Variants in KIAA0825 observed in about 807,000 individuals in gnomAD.
The protein encoded by KIAA0825 is uncharacterized protein KIAA0825.
In KIAA0825, 119 loss-of-function variants were observed where a neutral mutation model predicts 147.6. The observed-to-expected ratio is 0.81, with a 90% CI of 0.69 to 0.94. The LOEUF is 0.94. KIAA0825 is among the 40% of genes least tolerant of loss of function. KIAA0825 has a pLI of 0.00. For missense variants in KIAA0825, 1,381 were observed against 1,472.7 expected, an observed-to-expected ratio of 0.94 and a Z score of 1.02; for synonymous variants, 470 against 518.1, an observed-to-expected ratio of 0.91 and a Z score of 1.26.
chr5:94,529,200 G>GTA (rs1374107597), intron 3 of KIAA0825, among the ~76,000 whole-genome samples: 1 of 145,364 alleles, frequency 6.9e-6, no homozygotes, highest in Non-Finnish European at 1.5e-5. Context: ...ATATGAAGTA[G>GTA]TATATATATC....
At chr5:94,199,581 T>A (rs756438160) in intron 20 of KIAA0825, among the ~76,000 whole-genome samples, 3 of 151,200 alleles carry the variant, frequency 2.0e-5, no homozygotes, top group Non-Finnish European at 4.4e-5. Flanking sequence ...TGTACACCAG[T>A]GGGGAAGTTG....
chr5:94,323,556 CAAA>C (rs78678665), intron 20 of KIAA0825, among the ~76,000 whole-genome samples: 5 of 112,850 alleles, frequency 4.4e-5, no homozygotes, highest in African/African-American at 6.6e-5. Flanking sequence ...AGCTCCAGAC[CAAA>C]AAAAAAAAAA....
At chr5:94,475,337 A>G (rs967323184) in intron 7 of KIAA0825, among the ~76,000 whole-genome samples, 8 of 152,168 alleles carry the variant, frequency 5.3e-5, no homozygotes, top group African/African-American at 1.7e-4. Flanking sequence ...CTTCAAGCAA[A>G]TATGTCCTAG....
At chr5:94,311,254 G>T (rs549321695) in intron 20 of KIAA0825, among the ~76,000 whole-genome samples, 423 of 146,260 alleles carry the variant, frequency 2.9e-3, no homozygotes, top group East Asian at 8.1e-3. Context: ...TTTTTTTTTT[G>T]TTGTTGTTGT....
chr5:94,424,533 AG>A (rs1217882015), intron 14 of KIAA0825, among the ~76,000 whole-genome samples: 1 of 152,158 alleles, frequency 6.6e-6, no homozygotes, highest in African/African-American at 2.4e-5. Flanking sequence ...TTAAGATGGA[AG>A]TTTATAGCAA....
At chr5:94,372,124 T>C (rs988229364) in intron 20 of KIAA0825, among the ~76,000 whole-genome samples, 5 of 152,234 alleles carry the variant, frequency 3.3e-5, no homozygotes, top group Admixed American at 2.0e-4. Context: ...TGGGCTCCCA[T>C]GGCCTTGGGC....
At chr5:94,182,982 G>C (rs1243757963) in intron 20 of KIAA0825, among the ~76,000 whole-genome samples, 1 of 152,152 alleles carries the variant, frequency 6.6e-6, no homozygotes, top group African/African-American at 2.4e-5. Context: ...AGCCTGTTCT[G>C]TCCCAAGAGG....
intron 1 of KIAA0825, chr5:94,594,182 G>T (rs1000785586): frequency 3.5e-6 from 2 of 572,814 alleles, no homozygotes; most frequent in African/African-American, 3.8e-5. Context: ...TAGCTAGACT[G>T]GATTCTCAAC....
At chr5:94,464,469 A>G (rs529115431) in intron 11 of KIAA0825, among the ~76,000 whole-genome samples, 2 of 152,324 alleles carry the variant, frequency 1.3e-5, no homozygotes, top group East Asian at 3.9e-4. Context: ...ACAAAAAACA[A>G]CTCAAATCCC....
chr5:94,175,308 C>T lies in KIAA0825; in HGVS notation c.3711-21184G>A, dbSNP rs539570823. Among the ~76,000 whole-genome samples, 3 of 152,268 alleles carry T rather than the reference C, an allele frequency of 2.0e-5. No individual in the cohort carries two copies. In the East Asian group the frequency reaches 5.8e-4, roughly 29 times the overall value. On this transcript the variant is annotated intron_variant, in intron 20 of 20. Transcript: ENST00000682413. ...GATAACTGTCTGTGACCTGTTTCCC[C>T]TTTAACTGCTTATAGTCATTTTAAC...
chr5:94,384,262 T>C (rs1748838196), intron 20 of KIAA0825, 106 bp downstream of exon 20: 1 of 768,348 alleles, frequency 1.3e-6, no homozygotes, highest in Admixed American at 3.0e-5. Flanking sequence ...TGTTTTCACT[T>C]TTCCCAAAAG....
intron 20 of KIAA0825, among the ~76,000 whole-genome samples, chr5:94,363,621 T>G (rs531800060): frequency 5.9e-5 from 9 of 152,270 alleles, no homozygotes; most frequent in African/African-American, 2.2e-4. Context: ...TGTGGTAGCT[T>G]ACGCCTGTAA....
intron 20 of KIAA0825, among the ~76,000 whole-genome samples, chr5:94,164,475 G>A (rs1031297286): frequency 7.3e-5 from 11 of 151,430 alleles, no homozygotes; most frequent in African/African-American, 2.4e-4. Context: ...GCAGTGGAGC[G>A]ATCTTGGCTC....
At chr5:94,393,801 C>T (rs1584360348) in intron 17 of KIAA0825, among the ~76,000 whole-genome samples, 1 of 151,218 alleles carries the variant, frequency 6.6e-6, no homozygotes, top group Non-Finnish European at 1.5e-5. Flanking sequence ...TGGAAGTGCA[C>T]TTGTATAACA....
In KIAA0825 at chr5:94,153,958, A is replaced by G. The variant is rs1443076532; in HGVS notation, c.*49T>C. On this transcript the variant is annotated 3_prime_UTR_variant, in exon 21 of 21. Transcript: ENST00000682413. Reference sequence around the variant, plus strand: ...TGACTATGGTAAAAAATCCTACTCCATTACATGGGATTGTTTCCTAAAATA... The same window carrying G: ...TGACTATGGTAAAAAATCCTACTCCGTTACATGGGATTGTTTCCTAAAATA... The G allele has an allele frequency of 7.6e-7, 1 of 1,308,676 alleles. No homozygotes were observed. The highest frequency in any genetic ancestry group is 2.5e-5 in the East Asian group (1 of 39,738). 81.1% of individuals were successfully genotyped at this position (1,308,676 alleles called of 1,614,324 possible). A position where few individuals can be genotyped will look rare whatever the true frequency, so the allele number is the denominator to read the frequency against.
chr5:94,224,577 C>CT (rs1473157705), intron 20 of KIAA0825, among the ~76,000 whole-genome samples: 1 of 152,130 alleles, frequency 6.6e-6, no homozygotes, highest in Non-Finnish European at 1.5e-5. Flanking sequence ...GAAGGGCAAA[C>CT]TGAATCATGA....
intron 15 of KIAA0825, among the ~76,000 whole-genome samples, chr5:94,412,308 G>A (rs1179451835): frequency 6.6e-6 from 1 of 152,180 alleles, no homozygotes; most frequent in Non-Finnish European, 1.5e-5. Flanking sequence ...ACAATCTCAA[G>A]TGTTGACAAG....
chr5:94,248,257 G>A (rs1583958263), intron 20 of KIAA0825, among the ~76,000 whole-genome samples: 3 of 152,064 alleles, frequency 2.0e-5, no homozygotes. Context: ...TCATTCAGAA[G>A]AATTTTTTTG....
chr5:94,264,198 C>T (rs902154794), intron 20 of KIAA0825, among the ~76,000 whole-genome samples: 7 of 152,160 alleles, frequency 4.6e-5, no homozygotes, highest in African/African-American at 1.4e-4. Context: ...GACTTTTCAT[C>T]TGCATTCTGA....
Sources: gnomAD v4.1 joint callset for allele counts (sites outside exome capture counted in the v4.1 genomes callset) on GRCh38, gnomAD v4.1.1 for gene constraint, MANE v1.5 for transcripts, NCBI Gene and HGNC (gene_info 2026-07-23, HGNC 2026-07-21) for gene names.